EXOSC4: variants seen among roughly 807,000 people sequenced by gnomAD.
EXOSC4 encodes exosome component 4.
Under a neutral mutation model 20.0 loss-of-function variants are expected in EXOSC4, and 14 were observed. That is an observed-to-expected ratio of 0.70 (90% CI 0.46 to 1.09). The LOEUF (loss-of-function observed/expected upper bound fraction) is 1.09. EXOSC4 is among the 50% of genes least tolerant of loss of function. EXOSC4 has a pLI of 0.00. For missense variants in EXOSC4, 337 were observed against 334.0 expected, an observed-to-expected ratio of 1.01 and a Z score of -0.07; for synonymous variants, 148 against 146.4, an observed-to-expected ratio of 1.01 and a Z score of -0.08.
At chr8:144,074,794 G>A (rs951375055), upstream of EXOSC4, among the ~76,000 whole-genome samples, 5 of 150,480 alleles carry the variant, frequency 3.3e-5, no homozygotes, top group South Asian at 2.1e-4. Context: ...GGCTGGTCTC[G>A]GACACCTGGC....
At chr8:144,079,198 C>G (rs563135488) in intron 1 of EXOSC4, 26 of 322,348 alleles carry the variant, frequency 8.1e-5, no homozygotes, top group Non-Finnish European at 1.2e-4. Flanking sequence ...TCACTCCTTC[C>G]CAGACGACCT....
chr8:144,066,941 G>A, the EXOSC4 span, among the ~76,000 whole-genome samples: 27 of 152,036 alleles, frequency 1.8e-4, no homozygotes, highest in African/African-American at 6.0e-4. Context: ...TACAAAATTA[G>A]CCAGGCGTGG....
chr8:144,077,034 G>A (rs1366303318), upstream of EXOSC4, among the ~76,000 whole-genome samples: 1 of 150,008 alleles, frequency 6.7e-6, no homozygotes, highest in East Asian at 2.0e-4. Context: ...TTGTGCCACT[G>A]CACTCCAGCC....
upstream of EXOSC4, among the ~76,000 whole-genome samples, chr8:144,073,724 G>A (rs1234663424): frequency 3.3e-5 from 5 of 152,018 alleles, no homozygotes; most frequent in Non-Finnish European, 7.4e-5. Flanking sequence ...GGTGGCACAC[G>A]CCTGTAATCC....
At chr8:144,070,655 C>T in the EXOSC4 span, among the ~76,000 whole-genome samples, 2 of 151,914 alleles carry the variant, frequency 1.3e-5, no homozygotes, top group Non-Finnish European at 2.9e-5. Flanking sequence ...GATGAAACCC[C>T]ATCTCTATTA....
At chr8:144,067,979 T>C in the EXOSC4 span, among the ~76,000 whole-genome samples, 9 of 152,224 alleles carry the variant, frequency 5.9e-5, no homozygotes, top group African/African-American at 2.2e-4. Context: ...CCTGCATTCC[T>C]TCCTGATAGA....
At chr8:144,066,077 C>T in the EXOSC4 span, among the ~76,000 whole-genome samples, 16 of 151,104 alleles carry the variant, frequency 1.1e-4, no homozygotes, top group Admixed American at 1.3e-4. Flanking sequence ...AGTGCAGTGG[C>T]GTGATCTCAG....
In EXOSC4 at chr8:144,080,040, C is replaced by A. The variant is rs1205948397; in HGVS notation, c.269C>A (p.Pro90Gln). ...AGCACAGGTGAGCGCAAGCGACGGCCACATGGGGACCGTAAGTCCTGTGAG... is the reference window on the plus strand; with the variant it reads ...AGCACAGGTGAGCGCAAGCGACGGCAACATGGGGACCGTAAGTCCTGTGAG... ...TFSTGERKRR[P>Q]HGDRKSCEMG... Residue 90 changes from proline (P) to glutamine (Q), a missense_variant, in exon 2 of 3, where the codon CCA (proline) becomes CAA (glutamine). Physicochemically the swap from Pro to Gln is moderately conservative, Grantham distance 76. Transcript: ENST00000316052. The surrounding 1 kb of genome is among the most constrained non-coding windows in gnomAD (Gnocchi z 4.9). 6.2e-6 allele frequency: 10 copies of A among 1,613,984 alleles called. No homozygotes were observed. Among genetic ancestry groups the A allele is most frequent in the Non-Finnish European group, 8.5e-6 (10 of 1,180,046 alleles).
the EXOSC4 span, among the ~76,000 whole-genome samples, chr8:144,067,746 G>T: frequency 6.6e-6 from 1 of 152,228 alleles, no homozygotes; most frequent in Non-Finnish European, 1.5e-5. Context: ...AGTGGCACAC[G>T]CCTGTCATCC....
the EXOSC4 span, among the ~76,000 whole-genome samples, chr8:144,071,705 G>C: frequency 6.6e-6 from 1 of 151,954 alleles, no homozygotes; most frequent in Non-Finnish European, 1.5e-5. Context: ...GGTCAGGTGT[G>C]GTGGCTTATG....
chr8:144,076,058 C>G (rs1293802714), upstream of EXOSC4, among the ~76,000 whole-genome samples: 1 of 152,160 alleles, frequency 6.6e-6, no homozygotes, highest in African/African-American at 2.4e-5. Context: ...ACTGTTTGTA[C>G]AAATATGGCT....
At chr8:144,067,730 G>A in the EXOSC4 span, among the ~76,000 whole-genome samples, 7 of 152,338 alleles carry the variant, frequency 4.6e-5, no homozygotes, top group South Asian at 2.1e-4. Context: ...TGTGTTGGCC[G>A]GGCACAGTGG....
the EXOSC4 span, among the ~76,000 whole-genome samples, chr8:144,066,791 A>G: frequency 1.3e-5 from 2 of 152,090 alleles, no homozygotes; most frequent in Non-Finnish European, 2.9e-5. Context: ...ATTTTACCCC[A>G]AAAGAATGAG....
Position 144,078,851 on chromosome 8 carries a change from T to G in EXOSC4, c.123T>G (p.Ile41Met), listed in dbSNP as rs782727373. 1 of 1,572,498 alleles carries G rather than the reference T, an allele frequency of 6.4e-7. No individual in the cohort carries two copies. The highest frequency in any genetic ancestry group is 2.5e-5 in the East Asian group (1 of 39,900). The change falls in exon 1 of 3, where the codon ATT (isoleucine) becomes ATG (methionine). Residue 41 changes from isoleucine to methionine, a missense_variant. Ile to Met is a conservative substitution (Grantham distance 10). Transcript: ENST00000316052. The surrounding 1 kb of genome is among the most constrained non-coding windows in gnomAD (Gnocchi z 4.7). ...CGCAGGCTGACGGCTCGGCCTACAT[T>G]GAGCAGGGCAACACCAAGGCACTGG... The part of the protein sequence containing the change: ...VFAQADGSAY[I>M]EQGNTKALAV...
At chr8:144,072,825 C>T in the EXOSC4 span, among the ~76,000 whole-genome samples, 3 of 152,244 alleles carry the variant, frequency 2.0e-5, no homozygotes, top group East Asian at 1.9e-4. Context: ...CCATATCTTG[C>T]CTACTGTGAA....
rs782095288 is a variant in EXOSC4 at position 144,079,975 on chromosome 8, C to A, written c.204C>A (p.Asp68Glu). 1 of 1,613,032 alleles carries A rather than the reference C, an allele frequency of 6.2e-7. No individual in the cohort carries two copies. The highest frequency in any genetic ancestry group is 1.1e-5 in the South Asian group (1 of 91,080). The change falls in exon 2 of 3, where the codon GAC becomes GAA. Residue 68 changes from aspartate (D) to glutamate (E), a missense_variant. By Grantham distance (45) the Asp-to-Glu change is conservative (BLOSUM62 2). Coordinates refer to ENST00000316052, the MANE Select transcript of EXOSC4 (RefSeq NM_019037.3). ...GCTCCCGGGCTCGAGCCCTGCCGGA[C>A]AGGGCCCTAGTGAACTGTCAATATA... ...IRGSRARALP[D>E]RALVNCQYSS...
At chr8:144,066,549 C>A in the EXOSC4 span, among the ~76,000 whole-genome samples, 155 of 147,166 alleles carry the variant, frequency 1.1e-3, 1 homozygote, top group African/African-American at 3.3e-3. Flanking sequence ...TCAAGCAATT[C>A]TCCTGCCTCA....
At chr8:144,071,526 C>G in the EXOSC4 span, among the ~76,000 whole-genome samples, 1 of 148,206 alleles carries the variant, frequency 6.7e-6, no homozygotes, top group Admixed American at 6.7e-5. Flanking sequence ...AGGCTGATCT[C>G]GAACTCCTGA....
the EXOSC4 span, among the ~76,000 whole-genome samples, chr8:144,067,109 A>G: frequency 6.6e-6 from 1 of 152,166 alleles, no homozygotes; most frequent in African/African-American, 2.4e-5. Flanking sequence ...AACAAAAAAA[A>G]GAATGAGAGG....
Sources: allele counts gnomAD v4.1 joint callset (sites outside exome capture counted in the v4.1 genomes callset), GRCh38; gene constraint gnomAD v4.1.1; non-coding constraint Gnocchi (gnomAD v3.1); transcripts MANE v1.5; gene names NCBI Gene and HGNC (gene_info 2026-07-23, HGNC 2026-07-21).